ACACB: variants seen among roughly 807,000 people sequenced by gnomAD.
ACACB encodes acetyl-CoA carboxylase beta.
In ACACB, 209 loss-of-function variants were observed where a neutral mutation model predicts 278.8. The observed-to-expected ratio is 0.75, with a 90% CI of 0.67 to 0.84. The LOEUF is 0.84. Ranked by LOEUF, ACACB falls within the 40% of genes least tolerant of loss-of-function variation. ACACB has a pLI of 0.00. For missense variants in ACACB, 2,850 were observed against 3,269.0 expected (o/e 0.87, Z 3.13); for synonymous variants, 1,174 against 1,285.6 (o/e 0.91, Z 1.86).
chr12:109,161,731 T>TTGTGTGTGTGTG (rs140801879), intron 2 of ACACB, among the ~76,000 whole-genome samples: 1 of 150,134 alleles, frequency 6.7e-6, no homozygotes, highest in African/African-American at 2.4e-5. Context: ...TAGTATTCTT[T>TTGTGTGTGTGTG]TGTGTGTATG....
intron 1 of ACACB, among the ~76,000 whole-genome samples, chr12:109,117,519 G>A (rs1036737800): frequency 3.3e-5 from 5 of 152,026 alleles, no homozygotes; most frequent in Admixed American, 2.0e-4. Flanking sequence ...ACTCAGCACC[G>A]TGCAAAAGTC....
At chr12:109,197,743 C>T (rs1231652665) in intron 17 of ACACB, among the ~76,000 whole-genome samples, 6 of 151,996 alleles carry the variant, frequency 3.9e-5, no homozygotes, top group Non-Finnish European at 7.4e-5. Context: ...CTGATCACCC[C>T]GAGATCACGC....
At chr12:109,215,920 CTA>C (rs1255891526) in intron 22 of ACACB, among the ~76,000 whole-genome samples, 2 of 152,040 alleles carry the variant, frequency 1.3e-5, no homozygotes, top group Admixed American at 1.3e-4. Context: ...CCTCAGCCTC[CTA>C]TGTAGCTAGG....
chr12:109,144,518 A>G (rs138275051), intron 2 of ACACB, among the ~76,000 whole-genome samples: 390 of 152,216 alleles, frequency 2.6e-3, no homozygotes, highest in African/African-American at 9.1e-3. Flanking sequence ...GGTGTAGGCC[A>G]TGGAAGGTGG....
chr12:109,128,539 A>G (rs1164438130), intron 1 of ACACB, among the ~76,000 whole-genome samples: 1 of 151,888 alleles, frequency 6.6e-6, no homozygotes, highest in Admixed American at 6.6e-5. Flanking sequence ...GGGTTTCACT[A>G]TGTTGGCCAG....
intron 43 of ACACB, among the ~76,000 whole-genome samples, chr12:109,253,837 T>C (rs1220998091): frequency 4.6e-5 from 7 of 152,316 alleles, no homozygotes; most frequent in Non-Finnish European, 4.4e-5. Context: ...CAAGTGCCCC[T>C]TTTCCCCATC....
At chr12:109,173,342 A>G (rs2044179129) in intron 6 of ACACB, among the ~76,000 whole-genome samples, 2 of 152,216 alleles carry the variant, frequency 1.3e-5, no homozygotes, top group Non-Finnish European at 2.9e-5. Flanking sequence ...ATTTACTATC[A>G]TGTAATAAAT....
intron 9 of ACACB, among the ~76,000 whole-genome samples, chr12:109,177,768 T>G (rs2044326944): frequency 6.6e-6 from 1 of 152,202 alleles, no homozygotes; most frequent in Non-Finnish European, 1.5e-5. Flanking sequence ...AATGTCCCTT[T>G]CCTGTTGCAG....
chr12:109,159,888 G>A (rs370443055), intron 2 of ACACB, among the ~76,000 whole-genome samples: 1 of 151,852 alleles, frequency 6.6e-6, no homozygotes, highest in Non-Finnish European at 1.5e-5. Flanking sequence ...TCAGGAGTTC[G>A]AGACCAGCCT....
At chr12:109,221,917 C>G (rs1221297014) in intron 24 of ACACB, among the ~76,000 whole-genome samples, 2 of 147,698 alleles carry the variant, frequency 1.4e-5, no homozygotes, top group Non-Finnish European at 3.0e-5. Flanking sequence ...GAGTCTGGCT[C>G]TGTTGCCCAG....
chr12:109,230,716 C>G (rs2136586301), intron 28 of ACACB, among the ~76,000 whole-genome samples: 1 of 152,328 alleles, frequency 6.6e-6, no homozygotes, highest in African/African-American at 2.4e-5. Context: ...AGGCGCGAGC[C>G]CCTGTGCCTG....
intron 2 of ACACB, among the ~76,000 whole-genome samples, chr12:109,140,388 G>T (rs757736686): frequency 6.7e-6 from 1 of 149,580 alleles, no homozygotes; most frequent in African/African-American, 2.5e-5. Context: ...TGGGCACAGT[G>T]GCTCATGCCT....
In ACACB at chr12:109,246,270, G is replaced by A. The variant is rs147281050; in HGVS notation, c.5393G>A (p.Arg1798His). 76 of 1,613,174 alleles carry A rather than the reference G, an allele frequency of 4.7e-5. No homozygotes were observed. Among genetic ancestry groups the A allele is most frequent in the Middle Eastern group, 1.6e-4 (1 of 6,084 alleles). The change falls in exon 39 of 53, where the codon CGC becomes CAC. Residue 1798 changes from arginine (R) to histidine (H), a missense_variant. Transcript: ENST00000338432. ...GTCATCGGCAATGACATCACCTTTCGCATTGGATCCTTTGGCCCTGGAGAG... is the reference window on the plus strand; with the variant it reads ...GTCATCGGCAATGACATCACCTTTCACATTGGATCCTTTGGCCCTGGAGAG... ...VIVIGNDITF[R>H]IGSFGPGEDL...
At chr12:109,235,120 CT>C (rs2046596907) in intron 31 of ACACB, among the ~76,000 whole-genome samples, 192 bp from the exon 32 acceptor site, 1 of 152,122 alleles carries the variant, frequency 6.6e-6, no homozygotes, top group Admixed American at 6.6e-5. Flanking sequence ...CACTAATCTA[CT>C]TTCTCTCTAT....
chr12:109,139,315 G>A, intron 1 of ACACB, 82 bp from the exon 2 acceptor site: 1 of 1,338,880 alleles, frequency 7.5e-7, no homozygotes, highest in Non-Finnish European at 1.0e-6. Context: ...CACCCCAACA[G>A]CCTCCTGCCC....
chr12:109,217,157 C>T (rs1396264925), intron 24 of ACACB, among the ~76,000 whole-genome samples: 1 of 152,170 alleles, frequency 6.6e-6, no homozygotes, highest in Non-Finnish European at 1.5e-5. Flanking sequence ...TGGTGCATAC[C>T]TGTAATCCCA....
chr12:109,210,196 TATGTATATATGTATATATAC>T lies in ACACB; in HGVS notation c.3249+845_3249+864del, dbSNP rs1193868780. ...ATATGTATATATACACACGTGTGTA[TATGTATATATGTATATATAC>T]ACACATGTGTGTATATGTATATATG... On this transcript the variant is annotated intron_variant, in intron 21 of 52. Coordinates refer to ENST00000338432, the MANE Select transcript of ACACB (RefSeq NM_001093.4). Among the ~76,000 whole-genome samples, 188 of 36,874 alleles carry T rather than the reference TATGTATATATGTATATATAC, an allele frequency of 5.1e-3. 34 individuals carry two copies. Among genetic ancestry groups the T allele is most frequent in the African/African-American group, 0.022 (178 of 8,254 alleles). 24.2% of individuals were successfully genotyped at this position (36,874 alleles called of 152,430 possible).
chr12:109,160,612 G>A (rs967965292), intron 2 of ACACB, among the ~76,000 whole-genome samples: 2 of 152,188 alleles, frequency 1.3e-5, no homozygotes, highest in African/African-American at 4.8e-5. Flanking sequence ...GCTGTATAAG[G>A]ACAGGGCTTC....
intron 37 of ACACB, 53 bp downstream of exon 37, chr12:109,242,645 A>G (rs2046833104): frequency 1.3e-6 from 2 of 1,588,210 alleles, no homozygotes; most frequent in East Asian, 4.5e-5. Flanking sequence ...AGCAGACTCC[A>G]CCAGAACCAA....
Sources: gnomAD v4.1 joint callset for allele counts (sites outside exome capture counted in the v4.1 genomes callset) on GRCh38, gnomAD v4.1.1 for gene constraint, MANE v1.5 for transcripts, NCBI Gene and HGNC (gene_info 2026-07-23, HGNC 2026-07-21) for gene names.